The following IQGAP2 variants were observed in gnomAD, a reference collection of about 807,000 sequenced individuals.
The protein encoded by IQGAP2 is ras GTPase-activating-like protein IQGAP2.
Under a neutral mutation model 201.3 loss-of-function variants are expected in IQGAP2, and 173 were observed. That is an observed-to-expected ratio of 0.86 (90% CI 0.76 to 0.98). The LOEUF (loss-of-function observed/expected upper bound fraction) is 0.98, where lower values mean the gene tolerates loss of function less well. Ranked by LOEUF, IQGAP2 falls within the 50% of genes least tolerant of loss-of-function variation. IQGAP2 has a pLI of 0.00. For missense variants in IQGAP2, 1,687 were observed against 1,864.8 expected (o/e 0.90, Z 1.76); for synonymous variants, 675 against 673.9 (o/e 1.00, Z -0.03).
At chr5:76,591,535 A>G (rs192950841) in intron 8 of IQGAP2, among the ~76,000 whole-genome samples, 117 of 152,210 alleles carry the variant, frequency 7.7e-4, no homozygotes, top group East Asian at 1.5e-3. Context: ...GAAAGTAACC[A>G]CTTTAGGTTT....
chr5:76,516,891 G>C (rs1468782230), intron 2 of IQGAP2, among the ~76,000 whole-genome samples: 4 of 152,142 alleles, frequency 2.6e-5, no homozygotes, highest in Admixed American at 2.6e-4. Context: ...TTTCATGCCA[G>C]AAAACATTGT....
At chr5:76,545,052 A>G (rs900562171) in intron 2 of IQGAP2, among the ~76,000 whole-genome samples, 2 of 152,100 alleles carry the variant, frequency 1.3e-5, no homozygotes, top group African/African-American at 4.8e-5. Flanking sequence ...TCTTCTATAT[A>G]GTTATCTCTA....
intron 13 of IQGAP2, among the ~76,000 whole-genome samples, chr5:76,623,936 C>CTTTTTTTTTTTTTTTTT (rs368076875): frequency 9.9e-6 from 1 of 100,780 alleles, no homozygotes; most frequent in African/African-American, 4.0e-5. Flanking sequence ...TTTGTTCAGG[C>CTTTTTTTTTTTTTTTTT]TTTTTTTTTT....
intron 2 of IQGAP2, among the ~76,000 whole-genome samples, chr5:76,491,150 C>T (rs1401726997): frequency 6.6e-6 from 1 of 152,030 alleles, no homozygotes; most frequent in Non-Finnish European, 1.5e-5. Flanking sequence ...TGCATGTTGT[C>T]CTTGCTGTGT....
At chr5:76,649,276 C>T (rs963926570) in intron 17 of IQGAP2, among the ~76,000 whole-genome samples, 1 of 152,172 alleles carries the variant, frequency 6.6e-6, no homozygotes, top group Non-Finnish European at 1.5e-5. Context: ...CTTCCACCCT[C>T]CTGTAACAAG....
chr5:76,606,113 T>G, intron 11 of IQGAP2, 66 bp from the exon 12 acceptor site: 15 of 1,409,348 alleles, frequency 1.1e-5, no homozygotes, highest in African/African-American at 4.3e-5. Flanking sequence ...GTGTCATAGT[T>G]GAGAAACAAC....
At chr5:76,590,339 G>C in intron 7 of IQGAP2, 69 bp from the exon 8 acceptor site, 1 of 1,220,182 alleles carries the variant, frequency 8.2e-7, no homozygotes, top group Non-Finnish European at 1.1e-6. Flanking sequence ...TTTACACAGG[G>C]TCAATGCAAC....
At chr5:76,566,208 C>G (rs778616643) in intron 3 of IQGAP2, among the ~76,000 whole-genome samples, 2 of 151,978 alleles carry the variant, frequency 1.3e-5, no homozygotes, top group Non-Finnish European at 2.9e-5. Context: ...GGCGGGGAGG[C>G]AGACTAAGTG....
At chr5:76,705,063 A>G (rs1747754919) in intron 35 of IQGAP2, among the ~76,000 whole-genome samples, 1 of 152,200 alleles carries the variant, frequency 6.6e-6, no homozygotes, top group Non-Finnish European at 1.5e-5. Context: ...TCTTGTAAAA[A>G]TAATGTCAGG....
At chr5:76,590,806 T>G (rs9654416) in intron 8 of IQGAP2, among the ~76,000 whole-genome samples, 84,858 of 152,046 alleles carry the variant, frequency 0.56, 24,579 homozygotes, top group East Asian at 0.76. Context: ...AATTTTATAG[T>G]CCAGGCATGG....
chr5:76,518,168 G>A (rs1758452892), intron 2 of IQGAP2, among the ~76,000 whole-genome samples: 1 of 152,004 alleles, frequency 6.6e-6, no homozygotes, highest in Non-Finnish European at 1.5e-5. Flanking sequence ...CACCATGTTG[G>A]CCGGGCTGGT....
At chr5:76,543,054 A>G (rs1206677528) in intron 2 of IQGAP2, among the ~76,000 whole-genome samples, 2 of 152,212 alleles carry the variant, frequency 1.3e-5, no homozygotes, top group Non-Finnish European at 2.9e-5. Context: ...GAAGATGATA[A>G]TTGGCCGCTT....
At chr5:76,562,605 T>A in intron 3 of IQGAP2, 53 bp downstream of exon 3, 1 of 1,473,298 alleles carries the variant, frequency 6.8e-7, no homozygotes, top group East Asian at 2.3e-5. Flanking sequence ...AAGTTTGGTA[T>A]TTCATATCCT....
In IQGAP2 at chr5:76,600,932, GC is replaced by G; in HGVS notation, c.1193del (p.Ala398GlufsTer2). Reference sequence around the variant, plus strand: ...TGTGCAGAATCAACTCAGAAGCCCCGCAATAGGCTTAAACAATCTGGACAAG... The same window carrying G: ...TGTGCAGAATCAACTCAGAAGCCCCGAATAGGCTTAAACAATCTGGACAAG... ...VSVQNQLRSP[A>X]IGLNNLDKAY... On this transcript the variant is annotated frameshift_variant, in exon 11 of 36. Transcript: ENST00000274364. LOFTEE classifies it high-confidence loss of function. The G allele has an allele frequency of 6.2e-7, 1 of 1,614,094 alleles. No homozygotes were observed. Among genetic ancestry groups the G allele is most frequent in the East Asian group, 2.2e-5 (1 of 44,878 alleles).
chr5:76,457,735 AC>A (rs1754187430), intron 1 of IQGAP2, among the ~76,000 whole-genome samples: 1 of 152,124 alleles, frequency 6.6e-6, no homozygotes. Context: ...CTCCTAAAGG[AC>A]CCTTTCATTT....
intron 15 of IQGAP2, among the ~76,000 whole-genome samples, chr5:76,636,593 G>A (rs967687492): frequency 3.3e-5 from 5 of 152,132 alleles, no homozygotes; most frequent in African/African-American, 9.7e-5. Context: ...AACATTGGCC[G>A]TCCTTAAATA....
At chr5:76,672,767 T>C (rs563267626) in intron 24 of IQGAP2, among the ~76,000 whole-genome samples, 3 of 152,208 alleles carry the variant, frequency 2.0e-5, no homozygotes, top group African/African-American at 7.2e-5. Flanking sequence ...CCCACAGACA[T>C]ACATGCACAG....
intron 27 of IQGAP2, among the ~76,000 whole-genome samples, chr5:76,676,081 A>T (rs71594632): frequency 0.28 from 36,557 of 130,056 alleles, 4,925 homozygotes; most frequent in Non-Finnish European, 0.34. Context: ...ACTCTGTCAC[A>T]CACACACACA....
intron 2 of IQGAP2, among the ~76,000 whole-genome samples, chr5:76,490,704 A>T (rs953445533): frequency 1.3e-5 from 2 of 152,166 alleles, no homozygotes; most frequent in Non-Finnish European, 2.9e-5. Context: ...GGAACTGTAT[A>T]GGTTATAGGG....
Sources: allele counts gnomAD v4.1 joint callset (sites outside exome capture counted in the v4.1 genomes callset), GRCh38; gene constraint gnomAD v4.1.1; transcripts MANE v1.5; gene names NCBI Gene and HGNC (gene_info 2026-07-23, HGNC 2026-07-21).